The following ASB4 variants were observed in gnomAD, a reference collection of about 807,000 sequenced individuals.
ASB4 encodes ankyrin repeat and SOCS box containing 4.
A neutral mutation model predicts 38.6 loss-of-function variants in ASB4; 35 were observed. The ratio of observed to expected loss-of-function variants is 0.91; its 90% CI spans 0.69 to 1.20. The LOEUF is 1.20. Among genes scored for constraint, ASB4 ranks in the 50% most tolerant of loss-of-function variants. The pLI is 0.00. For missense variants in ASB4, 557 were observed against 527.2 expected, an observed-to-expected ratio of 1.06 and a Z score of -0.55; for synonymous variants, 195 against 201.3, an observed-to-expected ratio of 0.97 and a Z score of 0.26.
intron 2 of ASB4, among the ~76,000 whole-genome samples, chr7:95,511,126 T>C (rs755312539): frequency 6.6e-6 from 1 of 151,970 alleles, no homozygotes; most frequent in Non-Finnish European, 1.5e-5. Context: ...AAGCTCAGAA[T>C]TGGATGCTAA....
chr7:95,515,037 A>C (rs1326394141), intron 2 of ASB4, among the ~76,000 whole-genome samples: 1 of 152,166 alleles, frequency 6.6e-6, no homozygotes. Context: ...CCCTGTGTTT[A>C]ACAACTGTGG....
chr7:95,520,106 G>A (rs920898334), intron 2 of ASB4, among the ~76,000 whole-genome samples: 25 of 152,138 alleles, frequency 1.6e-4, no homozygotes, highest in Non-Finnish European at 2.9e-5. Context: ...TTTCAGTGCT[G>A]GGGCATTATA....
chr7:95,538,571 G>T lies in ASB4; in HGVS notation c.*812G>T, dbSNP rs1790928125. 1 of 152,214 alleles carries T rather than the reference G, an allele frequency of 6.6e-6. No homozygotes were observed. Among genetic ancestry groups the T allele is most frequent in the South Asian group, 2.1e-4 (1 of 4,828 alleles). The allele number at this position is 152,214 out of a possible 1,614,324, so 9.4% of individuals were successfully genotyped here. A position where few individuals can be genotyped will look rare whatever the true frequency, so the allele number is the denominator to read the frequency against. ...TTCAAAGTTGTGTTTCTGACATGAAGTGTGATTTTTCTTTTAAGCATGAAG... is the reference window on the plus strand; with the variant it reads ...TTCAAAGTTGTGTTTCTGACATGAATTGTGATTTTTCTTTTAAGCATGAAG... On this transcript the variant is annotated 3_prime_UTR_variant, in exon 5 of 5. Coordinates refer to ENST00000325885, the MANE Select transcript of ASB4 (RefSeq NM_016116.3).
chr7:95,484,981 T>C (rs1585792101), upstream of ASB4, among the ~76,000 whole-genome samples: 1 of 146,272 alleles, frequency 6.8e-6, no homozygotes, highest in Non-Finnish European at 1.5e-5. Flanking sequence ...TATATATGTA[T>C]ATATGTGTAT....
intron 1 of ASB4, 26 bp downstream of exon 1, chr7:95,486,184 G>T (rs1167434956): frequency 1.9e-6 from 3 of 1,569,384 alleles, no homozygotes. Context: ...TGTTATTGTA[G>T]AACTGTTAGA....
At chr7:95,484,233 G>A (rs2116570529), upstream of ASB4, among the ~76,000 whole-genome samples, 1 of 152,224 alleles carries the variant, frequency 6.6e-6, no homozygotes, top group South Asian at 2.1e-4. Context: ...TCCAGAGGCT[G>A]AGGTGGGAGG....
In ASB4 at chr7:95,528,053, CCGAAGT is replaced by C. The variant is rs769262085; in HGVS notation, c.730_735del (p.Glu244_Val245del). ...TGCCGCATGCTGCTTGACTACAAAGCCGAAGTCAATGCCCGAGATGACGACTTTAAA... is the reference window on the plus strand; with the variant it reads ...TGCCGCATGCTGCTTGACTACAAAGCCAATGCCCGAGATGACGACTTTAAA... On this transcript the variant is annotated inframe_deletion, in exon 3 of 5. Transcript: ENST00000325885. The C allele has an allele frequency of 8.1e-6, 13 of 1,614,046 alleles. No homozygotes were observed. The Admixed American group carries it at 2.2e-4, about 27-fold the overall frequency.
At position 95,528,049 on chromosome 7, in the gene ASB4, A is replaced by G. The variant is rs1790767009; in HGVS notation, c.724A>G (p.Lys242Glu). 6.2e-7 allele frequency: 1 copy of G among 1,614,138 alleles called. No homozygotes were observed. The highest frequency in any genetic ancestry group is 8.5e-7 in the Non-Finnish European group (1 of 1,180,034). Residue 242 changes from lysine (K) to glutamate (E), a missense_variant, in exon 3 of 5, where the codon AAA becomes GAA. Lys to Glu is a moderately conservative substitution (Grantham distance 56, BLOSUM62 1). Coordinates refer to ENST00000325885, the MANE Select transcript of ASB4 (RefSeq NM_016116.3). Reference protein sequence around the residue: ...HLVCRMLLDYKAEVNARDDDF... With the variant: ...HLVCRMLLDYEAEVNARDDDF... ...GGTCTGCCGCATGCTGCTTGACTAC[A>G]AAGCCGAAGTCAATGCCCGAGATGA... is the stretch of plus-strand genomic sequence containing the variant.
upstream of ASB4, among the ~76,000 whole-genome samples, chr7:95,484,283 G>T (rs1387747590): frequency 3.3e-5 from 5 of 152,120 alleles, no homozygotes. Context: ...AGTGAGCCCA[G>T]ATCACACCAC....
intron 1 of ASB4, among the ~76,000 whole-genome samples, chr7:95,488,989 T>G (rs1790133526): frequency 6.6e-6 from 1 of 152,216 alleles, no homozygotes; most frequent in Non-Finnish European, 1.5e-5. Flanking sequence ...CTATAGAAAG[T>G]GAAAAGTAGT....
chr7:95,471,690 A>G, the ASB4 span: 3 of 151,894 alleles, frequency 2.0e-5, no homozygotes, highest in African/African-American at 4.8e-5. Context: ...ATGCCCTTAC[A>G]TGAACATTAG....
chr7:95,545,296 T>C, the ASB4 span, among the ~76,000 whole-genome samples: 14 of 152,300 alleles, frequency 9.2e-5, no homozygotes, highest in Non-Finnish European at 1.8e-4. Context: ...AGGTATTCTA[T>C]GGCACCTTTC....
chr7:95,500,383 A>G (rs1790317722), intron 2 of ASB4, among the ~76,000 whole-genome samples: 1 of 151,876 alleles, frequency 6.6e-6, no homozygotes, highest in Non-Finnish European at 1.5e-5. Context: ...ACTGGGCAAC[A>G]TAGTGAGACC....
chr7:95,475,955 G>A (rs1187778839), upstream of ASB4, among the ~76,000 whole-genome samples: 1 of 152,014 alleles, frequency 6.6e-6, no homozygotes, highest in African/African-American at 2.4e-5. Context: ...TGAACTTTTC[G>A]GTCTCTATAT....
At chr7:95,532,874 G>A (rs1313114675) in intron 3 of ASB4, among the ~76,000 whole-genome samples, 1 of 152,160 alleles carries the variant, frequency 6.6e-6, no homozygotes, top group Non-Finnish European at 1.5e-5. Flanking sequence ...ACTCATCAAG[G>A]TGAGCTTACT....
chr7:95,503,532 G>A (rs1790368672), intron 2 of ASB4, among the ~76,000 whole-genome samples: 1 of 152,196 alleles, frequency 6.6e-6, no homozygotes, highest in Admixed American at 6.5e-5. Flanking sequence ...GTGGTTCATG[G>A]TTAATGAAAT....
chr7:95,545,744 C>T, the ASB4 span, among the ~76,000 whole-genome samples: 1 of 152,124 alleles, frequency 6.6e-6, no homozygotes, highest in Non-Finnish European at 1.5e-5. Flanking sequence ...GTCTTTCTAG[C>T]AATAGATTGC....
At chr7:95,512,620 A>G (rs1052906643) in intron 2 of ASB4, among the ~76,000 whole-genome samples, 7 of 152,144 alleles carry the variant, frequency 4.6e-5, no homozygotes, top group African/African-American at 1.7e-4. Context: ...ACAAAGGTAC[A>G]TAAAATCTAC....
At chr7:95,487,740 C>A (rs1345688240) in intron 1 of ASB4, among the ~76,000 whole-genome samples, 1 of 152,104 alleles carries the variant, frequency 6.6e-6, no homozygotes, top group Non-Finnish European at 1.5e-5. Context: ...TTCATTCCCA[C>A]GAATTGAGGT....
Sources: allele counts gnomAD v4.1 joint callset (sites outside exome capture counted in the v4.1 genomes callset), GRCh38; gene constraint gnomAD v4.1.1; transcripts MANE v1.5; gene names NCBI Gene and HGNC (gene_info 2026-07-23, HGNC 2026-07-21).